The following DAB1 variants were observed in gnomAD, a reference collection of about 807,000 sequenced individuals.
DAB1 encodes the protein disabled homolog 1.
Under a neutral mutation model 64.6 loss-of-function variants are expected in DAB1, and 15 were observed. The ratio of observed to expected loss-of-function variants is 0.23; its 90% confidence interval spans 0.16 to 0.36. DAB1 has a LOEUF of 0.36. Ranked by LOEUF, DAB1 falls within the 10% of genes least tolerant of loss-of-function variation. DAB1 has a pLI of 1.00. For synonymous variants in DAB1, 235 were observed against 251.9 expected (o/e 0.93, Z 0.64); for missense variants, 596 against 706.7 (o/e 0.84, Z 1.78).
At chr1:57,832,516 A>G (rs1465708483) in intron 1 of DAB1, among the ~76,000 whole-genome samples, 1 of 152,212 alleles carries the variant, frequency 6.6e-6, no homozygotes, top group African/African-American at 2.4e-5. Flanking sequence ...GGTGCTCTCC[A>G]TTGCTGTGAG....
At chr1:58,406,664 C>T (rs1288341824) in intron 3 of DAB1, among the ~76,000 whole-genome samples, 4 of 152,146 alleles carry the variant, frequency 2.6e-5, no homozygotes, top group Admixed American at 2.0e-4. Context: ...GTTCTGATTC[C>T]CTCTGACTCT....
chr1:57,159,950 C>G (rs777477458), intron 2 of DAB1, among the ~76,000 whole-genome samples: 8 of 151,858 alleles, frequency 5.3e-5, no homozygotes, highest in Non-Finnish European at 8.8e-5. Flanking sequence ...TGACGTCCTC[C>G]CATGAAGGCT....
At chr1:57,335,671 C>T (rs1677024130) in intron 1 of DAB1, among the ~76,000 whole-genome samples, 1 of 152,006 alleles carries the variant, frequency 6.6e-6, no homozygotes, top group South Asian at 2.1e-4. Flanking sequence ...CATGGCATAC[C>T]CCTGCTCATC....
intron 2 of DAB1, among the ~76,000 whole-genome samples, chr1:57,197,020 T>A (rs1331603732): frequency 6.6e-6 from 1 of 152,120 alleles, no homozygotes; most frequent in Non-Finnish European, 1.5e-5. Flanking sequence ...ACTTTAGAGA[T>A]GAGGATACAG....
chr1:58,530,902 T>C (rs1288327966), intron 1 of DAB1, among the ~76,000 whole-genome samples: 2 of 152,240 alleles, frequency 1.3e-5, no homozygotes, highest in African/African-American at 4.8e-5. Context: ...TTCCTTGGTT[T>C]ATCTACTTAT....
intron 7 of DAB1, among the ~76,000 whole-genome samples, chr1:57,449,891 A>G (rs367597754): frequency 6.6e-6 from 1 of 152,200 alleles, no homozygotes; most frequent in Admixed American, 6.5e-5. Context: ...TATTGATTCT[A>G]GAATTGTTTA....
At chr1:57,940,421 T>C (rs1341196361) in intron 5 of DAB1, among the ~76,000 whole-genome samples, 1 of 152,226 alleles carries the variant, frequency 6.6e-6, no homozygotes, top group East Asian at 1.9e-4. Flanking sequence ...ACCTTCTCAC[T>C]TTATAGAAAG....
intron 1 of DAB1, among the ~76,000 whole-genome samples, chr1:57,303,992 C>G (rs930265738): frequency 6.6e-6 from 1 of 152,200 alleles, no homozygotes; most frequent in Non-Finnish European, 1.5e-5. Context: ...ATGCACGTAA[C>G]TATACCTGTC....
chr1:58,386,478 T>C (rs1263287625), intron 3 of DAB1, among the ~76,000 whole-genome samples: 2 of 152,108 alleles, frequency 1.3e-5, no homozygotes, highest in African/African-American at 4.8e-5. Flanking sequence ...CATGACAACC[T>C]TATGTGGTTG....
chr1:58,230,333 G>T (rs1659717710), intron 4 of DAB1, among the ~76,000 whole-genome samples: 1 of 152,142 alleles, frequency 6.6e-6, no homozygotes, highest in African/African-American at 2.4e-5. Flanking sequence ...TTTAAAAACT[G>T]CTCTCAGCTT....
intron 7 of DAB1, among the ~76,000 whole-genome samples, chr1:57,619,298 G>A (rs1032207375): frequency 6.6e-6 from 1 of 152,216 alleles, no homozygotes; most frequent in Admixed American, 6.5e-5. Flanking sequence ...TAAAGAGAGT[G>A]AACTAACTTT....
chr1:58,503,824 T>G (rs1645945388), intron 3 of DAB1, among the ~76,000 whole-genome samples: 1 of 152,202 alleles, frequency 6.6e-6, no homozygotes, highest in African/African-American at 2.4e-5. Context: ...TCTATGGTAT[T>G]TTTATTATTG....
At chr1:57,467,540 C>G (rs1238920702) in intron 7 of DAB1, among the ~76,000 whole-genome samples, 1 of 152,046 alleles carries the variant, frequency 6.6e-6, no homozygotes, top group African/African-American at 2.4e-5. Flanking sequence ...AATAATGGAC[C>G]CATTTCATCA....
chr1:58,418,664 G>C (rs552165791), intron 3 of DAB1, among the ~76,000 whole-genome samples: 1 of 152,276 alleles, frequency 6.6e-6, no homozygotes, highest in African/African-American at 2.4e-5. Flanking sequence ...ATGGGGGTTG[G>C]AGGAGGAATC....
At chr1:57,780,140 T>A (rs937372893) in intron 6 of DAB1, among the ~76,000 whole-genome samples, 3 of 152,136 alleles carry the variant, frequency 2.0e-5, no homozygotes, top group Non-Finnish European at 4.4e-5. Context: ...GCTATCAGGA[T>A]TCTGAACACT....
intron 7 of DAB1, among the ~76,000 whole-genome samples, chr1:57,630,715 C>G (rs542409972): frequency 6.6e-6 from 1 of 152,248 alleles, no homozygotes; most frequent in South Asian, 2.1e-4. Flanking sequence ...GGGTGATGAC[C>G]AAATTGTGGA....
rs374863180 is a variant in DAB1, at chr1:57,542,196, T to G, written n.625+107396A>C. 7.2e-5 allele frequency among the ~76,000 whole-genome samples: 11 copies of G among 152,202 alleles called. No individual in the cohort carries two copies. The South Asian group carries it at 1.0e-3, about 14-fold the overall frequency. On this transcript the variant is annotated intron_variant and non_coding_transcript_variant, in intron 7 of 20. Coordinates refer to the DAB1 transcript ENST00000485760. ...AGTATAATAAATGTTACACTTTTAT[T>G]CATAAGTGTTGTTTATCTTCCTCCT...
intron 2 of DAB1, among the ~76,000 whole-genome samples, chr1:57,200,881 A>G (rs905568591): frequency 2.6e-5 from 4 of 152,208 alleles, no homozygotes; most frequent in African/African-American, 9.6e-5. Flanking sequence ...AAGTGAGGAG[A>G]TGAGGCAAGT....
At chr1:57,876,276 C>T (rs1393354632) in intron 1 of DAB1, 3 of 152,158 alleles carry the variant, frequency 2.0e-5, no homozygotes, top group Non-Finnish European at 4.4e-5. Context: ...ACTCCTGTTG[C>T]ATCTTTACTC....
Sources: allele counts gnomAD v4.1 joint callset (sites outside exome capture counted in the v4.1 genomes callset), GRCh38; gene constraint gnomAD v4.1.1; transcripts MANE v1.5; gene names NCBI Gene and HGNC (gene_info 2026-07-23, HGNC 2026-07-21).